Variants in GARIN4 observed in about 807,000 individuals in gnomAD.
The protein encoded by GARIN4 is Golgi-associated RAB2 interactor protein 4.
the GARIN4 span, chr1:212,626,607 CGGTT>C: frequency 1.2e-6 from 2 of 1,613,288 alleles, no homozygotes; most frequent in African/African-American, 2.7e-5. Flanking sequence ...GGGCTGGAGA[CGGTT>C]GGTTCTATGA....
the GARIN4 span, chr1:212,626,444 C>G: frequency 6.2e-7 from 1 of 1,614,168 alleles, no homozygotes; most frequent in Non-Finnish European, 8.5e-7. Context: ...CAGCAAGGGA[C>G]TTGGCAGGGT....
chr1:212,626,608 G>A, the GARIN4 span: 3 of 1,613,506 alleles, frequency 1.9e-6, no homozygotes, highest in African/African-American at 2.7e-5. Flanking sequence ...GGCTGGAGAC[G>A]GTTGGTTCTA....
At chr1:212,625,876 C>T in the GARIN4 span, 2 of 1,614,244 alleles carry the variant, frequency 1.2e-6, no homozygotes, top group East Asian at 4.5e-5. Context: ...CAGGCACTGC[C>T]AGCATGGCTC....
chr1:212,626,761 A>G, the GARIN4 span: 4 of 1,484,304 alleles, frequency 2.7e-6, no homozygotes, highest in Non-Finnish European at 3.6e-6. Context: ...TAAATAAAGA[A>G]TCATACATCT....
the GARIN4 span, chr1:212,624,988 C>T: frequency 3.9e-5 from 63 of 1,614,090 alleles, no homozygotes; most frequent in African/African-American, 9.3e-5. Context: ...AGGGGGAGTA[C>T]GATATATTCA....
chr1:212,626,493 C>A, the GARIN4 span: 16 of 1,614,078 alleles, frequency 9.9e-6, no homozygotes, highest in African/African-American at 1.3e-5. Context: ...AACCTTACTA[C>A]AAAAGTAGTG....
the GARIN4 span, chr1:212,626,714 C>T: frequency 1.3e-6 from 2 of 1,528,202 alleles, no homozygotes; most frequent in African/African-American, 1.4e-5. Context: ...ATGGGAGTGT[C>T]CCTGGAAAGC....
the GARIN4 span, chr1:212,626,189 C>T: frequency 6.2e-7 from 1 of 1,614,092 alleles, no homozygotes; most frequent in Non-Finnish European, 8.5e-7. Flanking sequence ...AAGGAGTTCC[C>T]ATCGCCGCAG....
chr1:212,626,269 C>T, the GARIN4 span: 1 of 1,614,232 alleles, frequency 6.2e-7, no homozygotes. Context: ...GGTCCTCATT[C>T]AGCCACAGAG....
the GARIN4 span, chr1:212,625,537 C>G: frequency 1.2e-6 from 2 of 1,614,238 alleles, no homozygotes; most frequent in Non-Finnish European, 1.7e-6. Flanking sequence ...ACCAGGTCAG[C>G]ATCCAAAGCC....
chr1:212,625,279 T>C, the GARIN4 span: 3 of 1,611,166 alleles, frequency 1.9e-6, no homozygotes, highest in African/African-American at 1.3e-5. Context: ...TTCAAGACCA[T>C]GAGAAACAAC....
the GARIN4 span, chr1:212,626,483 A>G: frequency 1.9e-6 from 3 of 1,614,224 alleles, no homozygotes; most frequent in Non-Finnish European, 2.5e-6. Context: ...CGTCAGAGCC[A>G]ACCTTACTAC....
At chr1:212,625,808 G>C in the GARIN4 span, 1 of 1,614,202 alleles carries the variant, frequency 6.2e-7, no homozygotes, top group Non-Finnish European at 8.5e-7. Flanking sequence ...GGTGAGCGCA[G>C]CCATAGCTGG....
At chr1:212,625,734 G>GGGCA in the GARIN4 span, 2 of 1,613,936 alleles carry the variant, frequency 1.2e-6, no homozygotes, top group Non-Finnish European at 1.7e-6. Flanking sequence ...GCAGCTGCAG[G>GGGCA]GGCAGCAACA....
At chr1:212,625,123 C>T in the GARIN4 span, 9 of 1,614,082 alleles carry the variant, frequency 5.6e-6, no homozygotes, top group African/African-American at 1.1e-4. Flanking sequence ...TCCTCCCACT[C>T]CCAGATGTCA....
chr1:212,625,599 G>A, the GARIN4 span: 2 of 1,614,206 alleles, frequency 1.2e-6, no homozygotes, highest in Non-Finnish European at 1.7e-6. Context: ...TATGCTGGAG[G>A]GGAGGGACTC....
the GARIN4 span, chr1:212,625,600 G>A: frequency 6.2e-7 from 1 of 1,614,192 alleles, no homozygotes; most frequent in Non-Finnish European, 8.5e-7. Flanking sequence ...ATGCTGGAGG[G>A]GAGGGACTCC....
the GARIN4 span, chr1:212,625,402 G>A: frequency 6.2e-7 from 1 of 1,614,210 alleles, no homozygotes; most frequent in Non-Finnish European, 8.5e-7. Flanking sequence ...ACCTCTTGCG[G>A]CCACCCATGG....
chr1:212,625,008 C>G, the GARIN4 span: 1 of 1,613,964 alleles, frequency 6.2e-7, no homozygotes, highest in African/African-American at 1.3e-5. Flanking sequence ...AAGTATGCAC[C>G]GATATTTGAG....
Sources: allele counts gnomAD v4.1 joint callset, GRCh38; gene constraint gnomAD v4.1.1; transcripts MANE v1.5; gene names NCBI Gene and HGNC (gene_info 2026-07-23, HGNC 2026-07-21).